Variants in SNTG2 observed in about 807,000 individuals in gnomAD.
SNTG2 encodes the protein syntrophin gamma 2, also known as gamma-2-syntrophin.
Under a neutral mutation model 70.9 loss-of-function variants are expected in SNTG2, and 74 were observed. That is an observed-to-expected ratio of 1.04 (90% CI 0.86 to 1.27). The LOEUF is 1.27. Among genes scored for constraint, SNTG2 ranks in the 50% most tolerant of loss-of-function variants. The pLI is 0.00. For synonymous variants in SNTG2, 278 were observed against 273.8 expected (o/e 1.02, Z -0.15); for missense variants, 717 against 690.7 (o/e 1.04, Z -0.43).
rs1558553072 is a variant in SNTG2, at chr2:1,222,051, CTCTCTG to C, written c.719+12829_719+12834del. ...TGCCTATCTCTGTCTCTCTCTGTCT[CTCTCTG>C]TCTCTGTTTCTCTCTGTCTCTGTCT... is the stretch of plus-strand genomic sequence containing the variant. On this transcript the variant is annotated intron_variant, in intron 9 of 16. Transcript: ENST00000308624. Among the ~76,000 whole-genome samples, 50 of 15,818 alleles carry C rather than the reference CTCTCTG, an allele frequency of 3.2e-3. 16 individuals carry two copies. Among genetic ancestry groups the C allele is most frequent in the Non-Finnish European group, 4.5e-3 (38 of 8,458 alleles). The allele number at this position is 15,818 out of a possible 152,430, so 10.4% of individuals were successfully genotyped here.
intron 1 of SNTG2, among the ~76,000 whole-genome samples, chr2:1,054,299 G>T (rs1662256324): frequency 6.6e-6 from 1 of 151,760 alleles, no homozygotes; most frequent in Non-Finnish European, 1.5e-5. Flanking sequence ...CCCACACCTG[G>T]GCTGTGGCTG....
intron 4 of SNTG2, among the ~76,000 whole-genome samples, chr2:1,122,971 A>G (rs1667471517): frequency 6.6e-6 from 1 of 152,040 alleles, no homozygotes; most frequent in South Asian, 2.1e-4. Context: ...AGAAAAAAAT[A>G]AAATATTTAG....
chr2:1,106,596 G>T (rs1282858863), intron 4 of SNTG2, among the ~76,000 whole-genome samples: 2 of 110,244 alleles, frequency 1.8e-5, no homozygotes, highest in Admixed American at 9.4e-5. Context: ...CAGTGGACAC[G>T]TGCTGTCACT....
At chr2:1,234,866 C>T (rs1425788803) in intron 9 of SNTG2, among the ~76,000 whole-genome samples, 1 of 152,190 alleles carries the variant, frequency 6.6e-6, no homozygotes. Flanking sequence ...GACTCAGATT[C>T]CTTCTCACCA....
chr2:1,181,027 T>C (rs902446325), intron 8 of SNTG2, among the ~76,000 whole-genome samples: 7 of 151,158 alleles, frequency 4.6e-5, no homozygotes, highest in African/African-American at 1.5e-4. Flanking sequence ...TGAGAACACA[T>C]GGACACAGGA....
chr2:999,453 T>C (rs1310638661), intron 1 of SNTG2, among the ~76,000 whole-genome samples: 2 of 151,884 alleles, frequency 1.3e-5, no homozygotes, highest in Non-Finnish European at 2.9e-5. Context: ...GTGGAAAAAA[T>C]ATTCCATGCA....
At chr2:1,034,115 T>C (rs1477543640) in intron 1 of SNTG2, among the ~76,000 whole-genome samples, 1 of 152,106 alleles carries the variant, frequency 6.6e-6, no homozygotes. Flanking sequence ...GCATTTTTTT[T>C]CTGATCTTCT....
intron 14 of SNTG2, among the ~76,000 whole-genome samples, chr2:1,278,707 AG>A (rs1211888557): frequency 6.6e-6 from 1 of 152,206 alleles, no homozygotes; most frequent in East Asian, 1.9e-4. Flanking sequence ...AGAAAACCCA[AG>A]TGAAGATGTA....
At chr2:1,116,999 G>A (rs1205276883) in intron 4 of SNTG2, among the ~76,000 whole-genome samples, 4 of 144,920 alleles carry the variant, frequency 2.8e-5, no homozygotes, top group Non-Finnish European at 6.0e-5. Context: ...TCTGGTGTAC[G>A]AGTGCCCTGG....
intron 14 of SNTG2, among the ~76,000 whole-genome samples, chr2:1,304,072 A>T (rs1680573125): frequency 6.6e-6 from 1 of 152,242 alleles, no homozygotes; most frequent in Non-Finnish European, 1.5e-5. Flanking sequence ...AGAAGAAAAA[A>T]GGAAGAGAAA....
chr2:1,259,338 G>A (rs1446065893), intron 12 of SNTG2, 32 bp from the exon 13 acceptor site: 1 of 1,607,364 alleles, frequency 6.2e-7, no homozygotes, highest in Admixed American at 1.7e-5. Context: ...GTAGCATGCT[G>A]CTTTTCATGG....
At chr2:1,224,590 G>T (rs777500311) in intron 9 of SNTG2, among the ~76,000 whole-genome samples, 36 of 152,224 alleles carry the variant, frequency 2.4e-4, no homozygotes, top group Non-Finnish European at 1.8e-4. Context: ...CGCGTGCCCA[G>T]CGTGGGAGGA....
chr2:1,203,820 A>G (rs930693989), intron 8 of SNTG2, among the ~76,000 whole-genome samples: 1 of 152,058 alleles, frequency 6.6e-6, no homozygotes. Context: ...ATCATGTATC[A>G]TGAAAAAAAT....
chr2:1,217,922 G>T (rs1236792584), intron 9 of SNTG2, among the ~76,000 whole-genome samples: 2 of 152,036 alleles, frequency 1.3e-5, no homozygotes, highest in African/African-American at 4.8e-5. Flanking sequence ...GAGTCCGGCA[G>T]CTCCCGGCTG....
At chr2:1,282,632 C>G (rs1043409379) in intron 14 of SNTG2, among the ~76,000 whole-genome samples, 5 of 152,058 alleles carry the variant, frequency 3.3e-5, no homozygotes, top group Admixed American at 3.3e-4. Context: ...CGCCGCCTCC[C>G]CCGCACAGCG....
chr2:1,141,809 G>A (rs1234496095), intron 6 of SNTG2, among the ~76,000 whole-genome samples: 1 of 151,156 alleles, frequency 6.6e-6, no homozygotes, highest in Non-Finnish European at 1.5e-5. Flanking sequence ...AGAGCCCCAA[G>A]GCGTGTTTGG....
In SNTG2 at chr2:1,155,025, C is replaced by T. The variant is rs963624566; in HGVS notation, c.412-10523C>T. On this transcript the variant is annotated intron_variant, in intron 6 of 16. Transcript: ENST00000308624. ...ACACAAACAACACATAGTCATACAC[C>T]ACACATACCACACATACACACCACA... 3.1e-4 allele frequency among the ~76,000 whole-genome samples: 46 copies of T among 150,070 alleles called. 1 individual carries two copies. The highest frequency in any genetic ancestry group is 2.5e-3 in the Admixed American group (38 of 15,062).
At chr2:1,284,418 A>C (rs1486667588) in intron 14 of SNTG2, among the ~76,000 whole-genome samples, 1 of 152,224 alleles carries the variant, frequency 6.6e-6, no homozygotes, top group Non-Finnish European at 1.5e-5. Flanking sequence ...TTTTTCTGGG[A>C]TGCGAGCTCG....
At chr2:1,254,878 G>T (rs1422587896) in intron 12 of SNTG2, among the ~76,000 whole-genome samples, 1 of 152,196 alleles carries the variant, frequency 6.6e-6, no homozygotes, top group Admixed American at 6.5e-5. Context: ...GTGTTTCCTT[G>T]CCCTGGTGTT....
Sources: gnomAD v4.1 joint callset for allele counts (sites outside exome capture counted in the v4.1 genomes callset) on GRCh38, gnomAD v4.1.1 for gene constraint, MANE v1.5 for transcripts, NCBI Gene and HGNC (gene_info 2026-07-23, HGNC 2026-07-21) for gene names.